The following NAV3 variants were observed in gnomAD, a reference collection of about 807,000 sequenced individuals.
NAV3 encodes the protein pore membrane and/or filament interacting like protein 1.
In NAV3, 87 loss-of-function variants were observed where a neutral mutation model predicts 244.7. The ratio of observed to expected loss-of-function variants is 0.36; its 90% CI spans 0.30 to 0.42. The LOEUF is 0.42. NAV3 is among the 20% of genes least tolerant of loss of function. NAV3 has a pLI of 1.00. For missense variants in NAV3, 2,663 were observed against 2,893.3 expected (o/e 0.92, Z 1.83); for synonymous variants, 1,126 against 1,042.2 (o/e 1.08, Z -1.55).
At chr12:77,780,660 T>A (rs1870619875) in intron 2 of NAV3, among the ~76,000 whole-genome samples, 1 of 152,160 alleles carries the variant, frequency 6.6e-6, no homozygotes, top group African/African-American at 2.4e-5. Context: ...ACAGGGACTG[T>A]GATAGGGGCC....
intron 3 of NAV3, among the ~76,000 whole-genome samples, chr12:77,954,949 C>A (rs899926774): frequency 6.6e-6 from 1 of 152,040 alleles, no homozygotes. Context: ...TTAAAGCACA[C>A]GTTTAGATCT....
intron 23 of NAV3, among the ~76,000 whole-genome samples, chr12:78,162,946 AATATGTAAT>A (rs1957625339): frequency 7.9e-6 from 1 of 126,292 alleles, no homozygotes; most frequent in African/African-American, 3.0e-5. Context: ...CATATTTATA[AATATGTAAT>A]TTATATATAT....
intron 22 of NAV3, among the ~76,000 whole-genome samples, chr12:78,153,967 A>G (rs1957174875): frequency 6.7e-6 from 1 of 150,310 alleles, no homozygotes; most frequent in African/African-American, 2.4e-5. Flanking sequence ...TCAACTAACT[A>G]CTAATTTTAA....
intron 9 of NAV3, among the ~76,000 whole-genome samples, chr12:78,023,455 C>A (rs1318048105): frequency 6.6e-6 from 1 of 152,050 alleles, no homozygotes; most frequent in Non-Finnish European, 1.5e-5. Flanking sequence ...AGCATAATAT[C>A]ATTTTGCAGC....
chr12:77,659,064 C>T (rs1328155740), intron 2 of NAV3, among the ~76,000 whole-genome samples: 2 of 151,764 alleles, frequency 1.3e-5, no homozygotes, highest in African/African-American at 2.4e-5. Context: ...GACTTCATGT[C>T]GAAAACACCA....
intron 1 of NAV3, among the ~76,000 whole-genome samples, chr12:77,927,628 A>G (rs1458365173): frequency 1.3e-5 from 2 of 152,212 alleles, no homozygotes; most frequent in Non-Finnish European, 2.9e-5. Context: ...CATCTTGGAG[A>G]AAGAATGTTA....
chr12:78,041,512 C>T (rs1389613737), intron 9 of NAV3, among the ~76,000 whole-genome samples: 1 of 152,210 alleles, frequency 6.6e-6, no homozygotes, highest in African/African-American at 2.4e-5. Context: ...TTCAGATCCA[C>T]TGGAACCACA....
rs542970912 is a variant in NAV3, at chr12:78,047,185, C to T, written c.2024-2808C>T. On this transcript the variant is annotated intron_variant, in intron 9 of 39. Coordinates refer to ENST00000397909, the MANE Select transcript of NAV3 (RefSeq NM_001024383.2). ...GGATATGAAATTCTGGGTTGAAAATCCTCTGCTTTAAGAATGTTGAGGCCA... is the reference window on the plus strand; with the variant it reads ...GGATATGAAATTCTGGGTTGAAAATTCTCTGCTTTAAGAATGTTGAGGCCA... Among the ~76,000 whole-genome samples the T allele has an allele frequency of 3.3e-5, 5 of 152,104 alleles. No individual in the cohort carries two copies. In the South Asian group the frequency reaches 8.3e-4, roughly 25 times the overall value.
intron 1 of NAV3, among the ~76,000 whole-genome samples, chr12:77,891,900 C>T (rs111772397): frequency 3.3e-5 from 5 of 152,320 alleles, no homozygotes; most frequent in African/African-American, 9.6e-5. Flanking sequence ...TCTCTCCCTT[C>T]TTTGCCCCAG....
At chr12:77,659,132 T>G (rs1358478314) in intron 2 of NAV3, among the ~76,000 whole-genome samples, 1 of 151,360 alleles carries the variant, frequency 6.6e-6, no homozygotes, top group African/African-American at 2.4e-5. Flanking sequence ...ACTAAAGAGC[T>G]TCTGCACAGC....
chr12:77,913,433 C>T (rs183218745), intron 1 of NAV3, among the ~76,000 whole-genome samples: 1 of 152,058 alleles, frequency 6.6e-6, no homozygotes, highest in South Asian at 2.1e-4. Context: ...ATAAACTAGG[C>T]GTTATTCTTT....
intron 2 of NAV3, among the ~76,000 whole-genome samples, chr12:77,621,478 T>C (rs1380269420): frequency 1.4e-4 from 19 of 134,974 alleles, no homozygotes; most frequent in South Asian, 7.0e-4. Flanking sequence ...TTCTCTTCTC[T>C]TTTTTTTTTT....
intron 12 of NAV3, among the ~76,000 whole-genome samples, chr12:78,071,437 G>A (rs1952760855): frequency 6.6e-6 from 1 of 151,810 alleles, no homozygotes; most frequent in South Asian, 2.1e-4. Context: ...TGAGTTCATT[G>A]TAGATTCTGG....
intron 1 of NAV3, among the ~76,000 whole-genome samples, chr12:77,891,383 A>G (rs1883920354): frequency 6.6e-6 from 1 of 151,692 alleles, no homozygotes; most frequent in South Asian, 2.1e-4. Flanking sequence ...AAATGTTTCT[A>G]TGGTGAGCAT....
chr12:78,210,487 T>C lies in NAV3; in HGVS notation c.7128T>C (p.Ile2376=), dbSNP rs1025702219. ...AAAGCACCAGCCACCATGAAGACAT[T>C]TTGGATTCATCTCTTGAATCTACCC... ...DSESTSHHED[I]LDSSLESTL Residue 2376 remains isoleucine, a synonymous_variant, in exon 40 of 40, where the codon ATT becomes ATC. Coordinates refer to ENST00000397909, the MANE Select transcript of NAV3 (RefSeq NM_001024383.2). 6.2e-7 allele frequency: 1 copy of C among 1,613,722 alleles called. No individual in the cohort carries two copies. The highest frequency in any genetic ancestry group is 8.5e-7 in the Non-Finnish European group (1 of 1,179,844).
chr12:77,639,931 A>C (rs1240800422), intron 2 of NAV3, among the ~76,000 whole-genome samples: 1 of 152,168 alleles, frequency 6.6e-6, no homozygotes, highest in African/African-American at 2.4e-5. Context: ...CTGAGCTGTC[A>C]AAAGGGGGGC....
At chr12:77,706,612 C>T (rs1875812337) in intron 2 of NAV3, among the ~76,000 whole-genome samples, 1 of 150,944 alleles carries the variant, frequency 6.6e-6, no homozygotes, top group Non-Finnish European at 1.5e-5. Context: ...TGGCTCATGC[C>T]GGTAATCCAG....
chr12:78,124,655 T>C (rs1026403494), intron 16 of NAV3, among the ~76,000 whole-genome samples: 2 of 152,044 alleles, frequency 1.3e-5, no homozygotes, highest in African/African-American at 2.4e-5. Flanking sequence ...AGTTTCACCA[T>C]GTTGGCCAGG....
intron 35 of NAV3, among the ~76,000 whole-genome samples, chr12:78,197,791 T>C (rs1471093215): frequency 6.6e-6 from 1 of 151,960 alleles, no homozygotes; most frequent in East Asian, 1.9e-4. Context: ...CTTGATGATG[T>C]TAGCTTCTGC....
Sources: gnomAD v4.1 joint callset for allele counts (sites outside exome capture counted in the v4.1 genomes callset) on GRCh38, gnomAD v4.1.1 for gene constraint, MANE v1.5 for transcripts, NCBI Gene and HGNC (gene_info 2026-07-23, HGNC 2026-07-21) for gene names.